CCSER1: variants seen among roughly 807,000 people sequenced by gnomAD.
CCSER1 encodes serine-rich coiled-coil domain-containing protein 1.
CCSER1 carries 41 observed loss-of-function variants against 82.0 expected under a neutral mutation model. The ratio of observed to expected loss-of-function variants is 0.50; its 90% confidence interval spans 0.39 to 0.65. The LOEUF (loss-of-function observed/expected upper bound fraction) is 0.65, where lower values mean the gene tolerates loss of function less well. Ranked by LOEUF, CCSER1 falls within the 30% of genes least tolerant of loss-of-function variation. The probability of loss-of-function intolerance (pLI) is 0.00; values close to 1 mark genes in which losing one functional copy is unlikely to be tolerated. For synonymous variants in CCSER1, 414 were observed against 383.9 expected, an observed-to-expected ratio of 1.08 and a Z score of -0.92; for missense variants, 1,119 against 1,064.2, an observed-to-expected ratio of 1.05 and a Z score of -0.72.
chr4:90,209,769 GT>G (rs558737681), intron 1 of CCSER1, among the ~76,000 whole-genome samples: 2,086 of 128,926 alleles, frequency 0.016, 16 homozygotes, highest in African/African-American at 0.029. Flanking sequence ...TTTGTCTAGT[GT>G]TTTTTTTTTT....
At chr4:91,529,136 T>C (rs1760906108) in intron 10 of CCSER1, among the ~76,000 whole-genome samples, 1 of 152,140 alleles carries the variant, frequency 6.6e-6, no homozygotes, top group African/African-American at 2.4e-5. Flanking sequence ...TTTAATGACA[T>C]TGGCATACCC....
intron 8 of CCSER1, among the ~76,000 whole-genome samples, chr4:90,916,732 C>A (rs1487866718): frequency 1.3e-5 from 2 of 152,070 alleles, no homozygotes; most frequent in Non-Finnish European, 2.9e-5. Flanking sequence ...AGGCAACCTA[C>A]AAAATGGGAG....
chr4:91,063,308 T>C (rs1435075740), intron 9 of CCSER1, among the ~76,000 whole-genome samples: 1 of 152,122 alleles, frequency 6.6e-6, no homozygotes, highest in East Asian at 1.9e-4. Context: ...AATCTCTAAC[T>C]TGACACATAG....
At chr4:91,361,034 G>A (rs182659735) in intron 10 of CCSER1, among the ~76,000 whole-genome samples, 3 of 151,904 alleles carry the variant, frequency 2.0e-5, no homozygotes, top group Non-Finnish European at 4.4e-5. Flanking sequence ...ATTTAAATAA[G>A]GTCTTGAAGA....
intron 10 of CCSER1, among the ~76,000 whole-genome samples, chr4:91,283,568 T>C (rs1371612110): frequency 6.6e-6 from 1 of 152,132 alleles, no homozygotes; most frequent in South Asian, 2.1e-4. Context: ...TCCCATCTTT[T>C]GCTGTAATTT....
intron 10 of CCSER1, among the ~76,000 whole-genome samples, chr4:91,372,039 A>C (rs1750085663): frequency 6.6e-6 from 1 of 152,228 alleles, no homozygotes; most frequent in African/African-American, 2.4e-5. Flanking sequence ...CTATAAATAA[A>C]AATGTTTTGT....
chr4:91,436,032 C>T (rs1438482649), intron 10 of CCSER1, among the ~76,000 whole-genome samples: 1 of 152,184 alleles, frequency 6.6e-6, no homozygotes, highest in Non-Finnish European at 1.5e-5. Flanking sequence ...TTGTGGCTCC[C>T]TGCAATCAAT....
At chr4:90,805,053 A>T (rs1286849580) in intron 7 of CCSER1, among the ~76,000 whole-genome samples, 1 of 148,636 alleles carries the variant, frequency 6.7e-6, no homozygotes, top group Non-Finnish European at 1.5e-5. Flanking sequence ...ACACAACTAT[A>T]ATGACATAAT....
At chr4:90,727,767 T>C (rs565722360) in intron 7 of CCSER1, among the ~76,000 whole-genome samples, 2 of 152,350 alleles carry the variant, frequency 1.3e-5, no homozygotes, top group East Asian at 3.9e-4. Flanking sequence ...TGAGCCATGT[T>C]CTTTTTGCTA....
rs1012831019 is a variant in CCSER1 at position 90,693,704 on chromosome 4, C to T, written c.1933-30210C>T. On this transcript the variant is annotated intron_variant, in intron 6 of 10. Coordinates refer to ENST00000509176, the MANE Select transcript of CCSER1 (RefSeq NM_001145065.2). ...CATTGTGTAACCTATGAAAAACTCT[C>T]CAAGCCTCAGTTTCTTATAAAATAA... Among the ~76,000 whole-genome samples, 7 of 152,018 alleles carry T rather than the reference C, an allele frequency of 4.6e-5. No individual in the cohort carries two copies. In the South Asian group the frequency reaches 1.5e-3, roughly 32 times the overall value.
At chr4:91,501,124 A>G (rs1164226805) in intron 10 of CCSER1, among the ~76,000 whole-genome samples, 13 of 151,788 alleles carry the variant, frequency 8.6e-5, no homozygotes, top group Non-Finnish European at 1.5e-5. Context: ...ATATTAATCA[A>G]TTTTTATTTT....
At chr4:90,600,972 C>G (rs1408791071) in intron 5 of CCSER1, among the ~76,000 whole-genome samples, 1 of 118,880 alleles carries the variant, frequency 8.4e-6, no homozygotes, top group African/African-American at 4.4e-5. Context: ...TATTTCAAAT[C>G]TATTTTTTTC....
chr4:90,356,540 A>C (rs2153515582), intron 3 of CCSER1, among the ~76,000 whole-genome samples: 1 of 151,858 alleles, frequency 6.6e-6, no homozygotes, highest in East Asian at 1.9e-4. Context: ...TCAGGTTAAA[A>C]TGTGTAAGCC....
intron 6 of CCSER1, among the ~76,000 whole-genome samples, chr4:90,692,933 G>A (rs2149242922): frequency 6.6e-6 from 1 of 151,954 alleles, no homozygotes; most frequent in Middle Eastern, 3.4e-3. Context: ...TTAAATGCAT[G>A]TCCTTTTTTC....
At chr4:91,270,238 G>A (rs1741916110) in intron 10 of CCSER1, among the ~76,000 whole-genome samples, 1 of 151,998 alleles carries the variant, frequency 6.6e-6, no homozygotes, top group Non-Finnish European at 1.5e-5. Flanking sequence ...TGTGCCTGAG[G>A]CCAGGGAATA....
intron 10 of CCSER1, among the ~76,000 whole-genome samples, chr4:91,140,763 G>A (rs1728944308): frequency 6.6e-6 from 1 of 152,112 alleles, no homozygotes; most frequent in South Asian, 2.1e-4. Flanking sequence ...TGATATTAAG[G>A]AAGACATCTG....
intron 8 of CCSER1, among the ~76,000 whole-genome samples, chr4:90,832,136 T>C (rs1761197280): frequency 6.6e-6 from 1 of 152,260 alleles, no homozygotes; most frequent in South Asian, 2.1e-4. Context: ...AGTAATGTTA[T>C]CTTTTATCAT....
chr4:90,579,232 A>T (rs908132949), intron 5 of CCSER1, among the ~76,000 whole-genome samples: 1 of 152,084 alleles, frequency 6.6e-6, no homozygotes, highest in African/African-American at 2.4e-5. Context: ...TCCAACTAAT[A>T]TTTTCAAGGG....
intron 5 of CCSER1, among the ~76,000 whole-genome samples, chr4:90,618,373 C>A (rs546441006): frequency 8.5e-4 from 129 of 151,798 alleles, no homozygotes; most frequent in Admixed American, 1.4e-3. Context: ...CTTAGATTGC[C>A]ACATCTTGAA....
Sources: gnomAD v4.1 joint callset for allele counts (sites outside exome capture counted in the v4.1 genomes callset) on GRCh38, gnomAD v4.1.1 for gene constraint, MANE v1.5 for transcripts, NCBI Gene and HGNC (gene_info 2026-07-23, HGNC 2026-07-21) for gene names.